ARHGAP23: variants seen among roughly 807,000 people sequenced by gnomAD.
The protein encoded by ARHGAP23 is Rho GTPase activating protein 23.
In ARHGAP23, 34 loss-of-function variants were observed where a neutral mutation model predicts 136.3. The observed-to-expected ratio is 0.25, with a 90% CI of 0.19 to 0.33. ARHGAP23 has a LOEUF of 0.33. Among genes scored for constraint, ARHGAP23 ranks in the 10% least tolerant of loss-of-function variants. The probability of loss-of-function intolerance (pLI) is 1.00; values close to 1 mark genes in which losing one functional copy is unlikely to be tolerated. For synonymous variants in ARHGAP23, 832 were observed against 920.5 expected, an observed-to-expected ratio of 0.90 and a Z score of 1.74; for missense variants, 1,808 against 2,139.0, an observed-to-expected ratio of 0.85 and a Z score of 3.05.
In ARHGAP23 at chr17:38,480,180, C is replaced by T. The variant is rs7213765; in HGVS notation, c.2629+297C>T. On this transcript the variant is annotated intron_variant, in intron 14 of 23. Transcript: ENST00000622683. The stretch of plus-strand genomic sequence containing the variant: ...CCACCCTTTCCAAGAGCAACCTTTC[C>T]CATTTCACTCACCTTTGGCTGTTAG... Among the ~76,000 whole-genome samples, 536 of 152,236 alleles carry T rather than the reference C, an allele frequency of 3.5e-3. 4 individuals carry two copies. Among genetic ancestry groups the T allele is most frequent in the African/African-American group, 0.012 (511 of 41,550 alleles).
chr17:38,420,586 G>A (rs2038510662), intron 1 of ARHGAP23, among the ~76,000 whole-genome samples: 1 of 152,172 alleles, frequency 6.6e-6, no homozygotes, highest in Non-Finnish European at 1.5e-5. Context: ...AGGGTGAGGA[G>A]TCGGGGGAGG....
At chr17:38,426,128 ACAACCCTTTAT>A (rs1312784461), upstream of ARHGAP23, among the ~76,000 whole-genome samples, 1 of 152,032 alleles carries the variant, frequency 6.6e-6, no homozygotes, top group Non-Finnish European at 1.5e-5. Flanking sequence ...CCTCACAGAG[ACAACCCTTTAT>A]CCTGGGAGGA....
intron 13 of ARHGAP23, 123 bp from the exon 14 acceptor site, chr17:38,479,630 A>G (rs554651576): frequency 9.4e-6 from 13 of 1,388,120 alleles, no homozygotes; most frequent in Non-Finnish European, 1.3e-5. Context: ...TCCAGGCTGC[A>G]GTTAGGCATG....
intron 23 of ARHGAP23, among the ~76,000 whole-genome samples, chr17:38,505,863 G>A (rs2040623754): frequency 1.3e-5 from 2 of 152,210 alleles, no homozygotes; most frequent in Admixed American, 1.3e-4. Context: ...GGGAGGTGGA[G>A]GTTGCAGTGA....
rs552791599 is a variant in ARHGAP23 at position 38,472,239 on chromosome 17, C to T, written c.2118+233C>T. On this transcript the variant is annotated intron_variant, in intron 11 of 23. Coordinates refer to ENST00000622683, the MANE Select transcript of ARHGAP23 (RefSeq NM_001199417.2). ...GTGGGATGGATCTGATCGAGTCGTGCTTGGAATATTCTGGCAAAACCATCC... is the reference window on the plus strand; with the variant it reads ...GTGGGATGGATCTGATCGAGTCGTGTTTGGAATATTCTGGCAAAACCATCC... 2.6e-5 allele frequency among the ~76,000 whole-genome samples: 4 copies of T among 152,240 alleles called. No homozygotes were observed. In the East Asian group the frequency reaches 7.7e-4, roughly 29 times the overall value.
At chr17:38,490,810 C>T (rs181612336) in intron 19 of ARHGAP23, among the ~76,000 whole-genome samples, 6 of 152,342 alleles carry the variant, frequency 3.9e-5, no homozygotes, top group Admixed American at 3.9e-4. Flanking sequence ...TGCCATCCTC[C>T]GACTTAGCTC....
Position 38,511,107 on chromosome 17 carries a change from C to G in ARHGAP23, c.*135C>G, listed in dbSNP as rs965292057. 1 of 961,630 alleles carries G rather than the reference C, an allele frequency of 1.0e-6. No individual in the cohort carries two copies. The allele number at this position is 961,630 out of a possible 1,614,324, so 59.6% of individuals were successfully genotyped here. On this transcript the variant is annotated 3_prime_UTR_variant, in exon 24 of 24. Coordinates refer to ENST00000622683, the MANE Select transcript of ARHGAP23 (RefSeq NM_001199417.2). The stretch of plus-strand genomic sequence containing the variant: ...GGGTGGAGGGCGCAGCAGGCAGTGT[C>G]TCTAGTTGGTGTGCTGGAACTGGCA...
chr17:38,484,425 A>G (rs1399727906), intron 16 of ARHGAP23, among the ~76,000 whole-genome samples: 1 of 151,998 alleles, frequency 6.6e-6, no homozygotes, highest in Admixed American at 6.6e-5. Flanking sequence ...CAGGCGCTAT[A>G]TTGAGCCTGG....
rs2040749015 is a variant in ARHGAP23, at chr17:38,510,880, GC to G, written c.4386del (p.Ser1463ArgfsTer43). 6.7e-7 allele frequency: 1 copy of G among 1,494,846 alleles called. No homozygotes were observed. The highest frequency in any genetic ancestry group is 8.8e-7 in the Non-Finnish European group (1 of 1,130,368). 92.6% of individuals were successfully genotyped at this position (1,494,846 alleles called of 1,614,324 possible). A position where few individuals can be genotyped will look rare whatever the true frequency, so the allele number is the denominator to read the frequency against. On this transcript the variant is annotated frameshift_variant, in exon 24 of 24. Coordinates refer to ENST00000622683, the MANE Select transcript of ARHGAP23 (RefSeq NM_001199417.2). LOFTEE classifies it high-confidence loss of function. The surrounding 1 kb of genome is among the most constrained non-coding windows in gnomAD (Gnocchi z 4.6). ...CAAGGCGCGGGCCCCGTCGTCCGCT[GC>G]CTCGCAGCCGCCCGCGCCCGGGGAC... Reference protein sequence around the residue: ...STKARAPSSAASQPPAPGDTG... With the variant: ...STKARAPSSAXSQPPAPGDTG...
upstream of ARHGAP23, among the ~76,000 whole-genome samples, chr17:38,427,483 AAGAC>A (rs1256859057): frequency 2.0e-5 from 3 of 151,628 alleles, no homozygotes; most frequent in Non-Finnish European, 4.4e-5. Flanking sequence ...AAGGAAAAGA[AAGAC>A]AGAAGGACTG....
chr17:38,428,575 GC>G, intron 1 of ARHGAP23, 27 bp downstream of exon 1: 1 of 1,384,326 alleles, frequency 7.2e-7, no homozygotes, highest in Non-Finnish European at 9.4e-7. Flanking sequence ...AGGGAAGTGG[GC>G]GGGGCCGGTA....
At chr17:38,426,572 A>AAAAAAAAAAAG (rs1567767218), upstream of ARHGAP23, among the ~76,000 whole-genome samples, 1 of 149,280 alleles carries the variant, frequency 6.7e-6, no homozygotes, top group African/African-American at 2.5e-5. Flanking sequence ...AAAAAAAAAA[A>AAAAAAAAAAAG]TCCAGGCAGT....
Position 38,458,216 on chromosome 17 carries a change from C to T in ARHGAP23, c.178C>T (p.His60Tyr). ...GGACGGCTTTGGCTTCACTCTGCGC[C>T]ACTTCATCGTGTACCCACCCGAGTC... ...PQDGFGFTLR[H>Y]FIVYPPESAV... Residue 60 changes from histidine to tyrosine, a missense_variant, in exon 2 of 24, where the codon CAC becomes TAC. Physicochemically the swap from His to Tyr is moderately conservative, Grantham distance 83. Coordinates refer to ENST00000622683, the MANE Select transcript of ARHGAP23 (RefSeq NM_001199417.2). 3.3e-6 allele frequency: 5 copies of T among 1,535,952 alleles called. No homozygotes were observed. Among genetic ancestry groups the T allele is most frequent in the Non-Finnish European group, 4.4e-6 (5 of 1,146,772 alleles).
rs143608945 is a variant in ARHGAP23, at chr17:38,468,618, T to G, written c.1649-526T>G. Among the ~76,000 whole-genome samples, 7 of 152,250 alleles carry G rather than the reference T, an allele frequency of 4.6e-5. No individual in the cohort carries two copies. In the East Asian group the frequency reaches 1.4e-3, roughly 29 times the overall value. On this transcript the variant is annotated intron_variant, in intron 7 of 23. Coordinates refer to ENST00000622683, the MANE Select transcript of ARHGAP23 (RefSeq NM_001199417.2). The stretch of plus-strand genomic sequence containing the variant: ...GCAGAGACACAGCCCCTTCTGCTAG[T>G]AAGGAAGGCTCTAGGCTGTGGCCGG...
Position 38,511,230 on chromosome 17 carries a change from T to C in ARHGAP23, c.*258T>C. On this transcript the variant is annotated 3_prime_UTR_variant, in exon 24 of 24. Transcript: ENST00000622683. ...GGGGCGTGGGCTGCTGGGGTCTGTG[T>C]CCCTGCACACATGCGCCCGATAGGT... is the stretch of plus-strand genomic sequence containing the variant. The C allele has an allele frequency of 2.3e-6, 1 of 439,784 alleles. No homozygotes were observed. The highest frequency in any genetic ancestry group is 5.5e-5 in the South Asian group (1 of 18,220). 27.2% of individuals were successfully genotyped at this position (439,784 alleles called of 1,614,324 possible).
chr17:38,475,646 A>C (rs2039875684), intron 11 of ARHGAP23, among the ~76,000 whole-genome samples: 1 of 152,220 alleles, frequency 6.6e-6, no homozygotes, highest in African/African-American at 2.4e-5. Context: ...TCTTGGTCTG[A>C]TGGGAGATGG....
rs1405163893 is a variant in ARHGAP23 at position 38,477,721 on chromosome 17, C to T, written c.2261C>T (p.Ala754Val). 4.1e-5 allele frequency: 64 copies of T among 1,544,196 alleles called. No individual in the cohort carries two copies. The highest frequency in any genetic ancestry group is 3.9e-4 in the East Asian group (16 of 40,700). ...GCCGGCGCAGGTGAGGACGAGGCGG[C>T]GCCCGTCTGCATCGGCTCCTGCCTC... ...AAAGAGEDEAAPVCIGSCLVD... is the reference protein window; with the variant it reads ...AAAGAGEDEAVPVCIGSCLVD... The change falls in exon 12 of 24, where the codon GCG (alanine) becomes GTG (valine). Residue 754 changes from alanine (A) to valine (V), a missense_variant. By Grantham distance (64) the Ala-to-Val change is moderately conservative (BLOSUM62 0). Coordinates refer to ENST00000622683, the MANE Select transcript of ARHGAP23 (RefSeq NM_001199417.2). The surrounding 1 kb of genome is among the most constrained non-coding windows in gnomAD (Gnocchi z 6.6).
intron 16 of ARHGAP23, among the ~76,000 whole-genome samples, chr17:38,483,614 G>A (rs768598250): frequency 3.3e-5 from 5 of 152,260 alleles, no homozygotes; most frequent in Non-Finnish European, 7.3e-5. Context: ...GATGTCCCAC[G>A]AATCACACAC....
At position 38,495,902 on chromosome 17, in the gene ARHGAP23, AT is replaced by A. The variant is rs2040381572; in HGVS notation, c.3277-1880del. Among the ~76,000 whole-genome samples the A allele has an allele frequency of 6.6e-5, 9 of 136,488 alleles. No homozygotes were observed. The South Asian group carries it at 2.1e-3, about 32-fold the overall frequency. 89.5% of individuals were successfully genotyped at this position (136,488 alleles called of 152,430 possible). The stretch of plus-strand genomic sequence containing the variant: ...AGGGTAATTGCCTTAATTTTTATTC[AT>A]TTATTTTTTTTGAGATGGAGTTTCA... On this transcript the variant is annotated intron_variant, in intron 20 of 23. Coordinates refer to ENST00000622683, the MANE Select transcript of ARHGAP23 (RefSeq NM_001199417.2).
Sources: allele counts gnomAD v4.1 joint callset (sites outside exome capture counted in the v4.1 genomes callset), GRCh38; gene constraint gnomAD v4.1.1; non-coding constraint Gnocchi (gnomAD v3.1); transcripts MANE v1.5; gene names NCBI Gene and HGNC (gene_info 2026-07-23, HGNC 2026-07-21).